The following RNF31 variants were observed in gnomAD, a reference collection of about 807,000 sequenced individuals.
RNF31 encodes E3 ubiquitin-protein ligase RNF31.
A neutral mutation model predicts 133.6 loss-of-function variants in RNF31; 38 were observed. The observed-to-expected ratio is 0.28, with a 90% CI of 0.22 to 0.37. The LOEUF (loss-of-function observed/expected upper bound fraction) is 0.37, where lower values mean the gene tolerates loss of function less well. Among genes scored for constraint, RNF31 ranks in the 10% least tolerant of loss-of-function variants. The pLI, the probability that RNF31 is intolerant of heterozygous loss-of-function variation, is 1.00. For missense variants in RNF31, 1,118 were observed against 1,394.1 expected, an observed-to-expected ratio of 0.80 and a Z score of 3.15; for synonymous variants, 582 against 552.3, an observed-to-expected ratio of 1.05 and a Z score of -0.75.
rs572045164 is a variant in RNF31 at position 24,154,711 on chromosome 14, A to G, written c.2131-446A>G. 1.2e-3 allele frequency among the ~76,000 whole-genome samples: 187 copies of G among 152,242 alleles called. 1 individual carries two copies. Among genetic ancestry groups the G allele is most frequent in the African/African-American group, 4.4e-3 (181 of 41,518 alleles). On this transcript the variant is annotated intron_variant, in intron 11 of 20. Coordinates refer to ENST00000324103, the MANE Select transcript of RNF31 (RefSeq NM_017999.5). ...TGCCGCTGTGTGTATGTGTGGTTCT[A>G]TGCAGTTCTGTCCCACGTATGGATG...
Position 24,151,675 on chromosome 14 carries a change from T to A in RNF31, c.1923+5T>A. ...TGGGATGGGCCAGACAAGCAGGTGCTGGGAGGAGGCAAGAAGCCCAAGGGT... is the reference window on the plus strand; with the variant it reads ...TGGGATGGGCCAGACAAGCAGGTGCAGGGAGGAGGCAAGAAGCCCAAGGGT... On this transcript the variant is annotated splice_donor_5th_base_variant and intron_variant, in intron 10 of 20. Coordinates refer to ENST00000324103, the MANE Select transcript of RNF31 (RefSeq NM_017999.5). This position sits in a 1 kb window ranked among gnomAD's most constrained non-coding sequence, Gnocchi z 5.3. The A allele has an allele frequency of 6.2e-7, 1 of 1,609,838 alleles. No homozygotes were observed. The highest frequency in any genetic ancestry group is 8.5e-7 in the Non-Finnish European group (1 of 1,179,764).
In RNF31 at chr14:24,149,590, G is replaced by C; in HGVS notation, c.809+7G>C. ...GTACCCACCTGAGCCCCAGGTGAGA[G>C]GGCTTCTCTTCTGGGTGGGAGTGAA... On this transcript the variant is annotated splice_region_variant and intron_variant, in intron 6 of 20. Coordinates refer to ENST00000324103, the MANE Select transcript of RNF31 (RefSeq NM_017999.5). The C allele has an allele frequency of 6.2e-7, 1 of 1,609,940 alleles. No individual in the cohort carries two copies. The highest frequency in any genetic ancestry group is 8.5e-7 in the Non-Finnish European group (1 of 1,177,914).
chr14:24,147,639 G>C lies in RNF31; in HGVS notation c.-60G>C, dbSNP rs1456124310. Reference sequence around the variant, plus strand: ...AGACGGGAGGGGCGGCGCTCGGGCCGCGCGCTGCCCGCGCCGGGTCCTGGC... The same window carrying C: ...AGACGGGAGGGGCGGCGCTCGGGCCCCGCGCTGCCCGCGCCGGGTCCTGGC... On this transcript the variant is annotated 5_prime_UTR_variant, in exon 1 of 21. Transcript: ENST00000324103. The C allele has an allele frequency of 7.4e-7, 1 of 1,346,308 alleles. No individual in the cohort carries two copies. Among genetic ancestry groups the C allele is most frequent in the Non-Finnish European group, 9.5e-7 (1 of 1,051,532 alleles). The allele number at this position is 1,346,308 out of a possible 1,614,324, so 83.4% of individuals were successfully genotyped here.
Position 24,155,345 on chromosome 14 carries a change from C to G in RNF31, c.2304+15C>G, listed in dbSNP as rs773779429. 25 of 1,614,180 alleles carry G rather than the reference C, an allele frequency of 1.5e-5. No homozygotes were observed. The highest frequency in any genetic ancestry group is 2.1e-5 in the Non-Finnish European group (25 of 1,180,020). On this transcript the variant is annotated intron_variant, in intron 12 of 20. Coordinates refer to ENST00000324103, the MANE Select transcript of RNF31 (RefSeq NM_017999.5). The surrounding 1 kb of genome is among the most constrained non-coding windows in gnomAD (Gnocchi z 4.9). ...TTGACATCCAGGTACTGCAGCCCCTCTAGGACTCAGGTACCCTGAGCTTTG... is the reference window on the plus strand; with the variant it reads ...TTGACATCCAGGTACTGCAGCCCCTGTAGGACTCAGGTACCCTGAGCTTTG...
chr14:24,155,088 C>A lies in RNF31; in HGVS notation c.2131-69C>A. 6.7e-7 allele frequency: 1 copy of A among 1,492,474 alleles called. No individual in the cohort carries two copies. Among genetic ancestry groups the A allele is most frequent in the Non-Finnish European group, 9.2e-7 (1 of 1,083,090 alleles). The allele number at this position is 1,492,474 out of a possible 1,614,324, so 92.5% of individuals were successfully genotyped here. ...CCCTGATTTCTTAGTGGACACCTGG[C>A]CACTGCCTCTTCCCTAGCCTGGCAG... On this transcript the variant is annotated intron_variant, in intron 11 of 20. Coordinates refer to ENST00000324103, the MANE Select transcript of RNF31 (RefSeq NM_017999.5). The surrounding 1 kb of genome is among the most constrained non-coding windows in gnomAD (Gnocchi z 4.9).
chr14:24,149,455 G>A lies in RNF31; in HGVS notation c.681G>A (p.Leu227=). The A allele has an allele frequency of 6.2e-7, 1 of 1,614,150 alleles. No individual in the cohort carries two copies. Among genetic ancestry groups the A allele is most frequent in the Non-Finnish European group, 8.5e-7 (1 of 1,180,026 alleles). Residue 227 remains leucine, a synonymous_variant, in exon 6 of 21, where the codon CTG becomes CTA. Coordinates refer to ENST00000324103, the MANE Select transcript of RNF31 (RefSeq NM_017999.5). ...TCTGTGGTTCTGCCCCAGGCACACT[G>A]CACTGCCCATCCTGTAAACAGGCCC... ...CFLCGSAPGT[L]HCPSCKQALC...
At chr14:24,149,264 CTT>C (rs1594374750) in intron 5 of RNF31, 140 bp from the exon 6 acceptor site, 1 of 915,886 alleles carries the variant, frequency 1.1e-6, no homozygotes, top group East Asian at 2.7e-5. Context: ...CGCCCGGCCT[CTT>C]TGTTTTTTAA....
chr14:24,148,013 A>G lies in RNF31; in HGVS notation c.230A>G (p.Asn77Ser), dbSNP rs2038197652. 3 of 1,614,084 alleles carry G rather than the reference A, an allele frequency of 1.9e-6. No homozygotes were observed. The highest frequency in any genetic ancestry group is 1.7e-5 in the Admixed American group (1 of 60,008). ...CTCAACACCCTGTCCACGGCTCTGA[A>G]CATCCTGGAGAAATACGGCCGCAAC... ...NYLNTLSTAL[N>S]ILEKYGRNLL... is the part of the protein sequence containing the mutation. The change falls in exon 2 of 21, where the codon AAC becomes AGC. Residue 77 changes from asparagine to serine, a missense_variant. This residue lies in a region of RNF31 where 747 missense variants were observed against 827.9 expected (regional missense o/e 0.90). Transcript: ENST00000324103.
chr14:24,148,872 C>G lies in RNF31; in HGVS notation c.627C>G (p.Val209=). The change falls in exon 5 of 21, where the codon GTC becomes GTG. Residue 209 remains valine, a synonymous_variant. Transcript: ENST00000324103. ...CTGGCCCCCTCACCACACCCTCTGT[C>G]CCAGGTATTATTGGTCCTAAATTGG... ...IAPGPLTTPS[V]PGSTPGPCFL... is the part of the protein sequence containing the mutation. The G allele has an allele frequency of 6.2e-7, 1 of 1,613,688 alleles. No homozygotes were observed.
chr14:24,147,983 A>G lies in RNF31; in HGVS notation c.200A>G (p.Asn67Ser). Residue 67 changes from asparagine to serine, a missense_variant, in exon 2 of 21, where the codon AAC becomes AGC. Physicochemically the swap from Asn to Ser is conservative, Grantham distance 46. This residue lies in a region of RNF31 where 747 missense variants were observed against 827.9 expected (regional missense o/e 0.90). Transcript: ENST00000324103. ...VRCNAHGEPRNYLNTLSTALN... is the reference protein window; with the variant it reads ...VRCNAHGEPRSYLNTLSTALN... ...TGCTCTCCTTGCTCCCAGCCCCGAA[A>G]CTACCTCAACACCCTGTCCACGGCT... 1 of 1,613,806 alleles carries G rather than the reference A, an allele frequency of 6.2e-7. No homozygotes were observed. Among genetic ancestry groups the G allele is most frequent in the Non-Finnish European group, 8.5e-7 (1 of 1,180,028 alleles).
chr14:24,149,042 C>T, intron 5 of RNF31, 166 bp downstream of exon 5: 1 of 683,138 alleles, frequency 1.5e-6, no homozygotes, highest in Non-Finnish European at 2.6e-6. Flanking sequence ...CCGCTCACCG[C>T]AACCTCCACC....
chr14:24,149,720 A>G (rs914346636), intron 6 of RNF31, 137 bp downstream of exon 6: 4 of 903,494 alleles, frequency 4.4e-6, no homozygotes, highest in Admixed American at 2.8e-5. Context: ...GAAAGAGATA[A>G]TAGACATACA....
Position 24,155,638 on chromosome 14 carries a change from G to A in RNF31, c.2439G>A (p.Leu813=). The part of the protein sequence containing the change: ...SFGFIYEREQ[L]EATCPQCHQT... ...GCTTCATATATGAGCGTGAGCAGCTGGAGGCAACTTGTCCCCAGTGTCACC... is the reference window on the plus strand; with the variant it reads ...GCTTCATATATGAGCGTGAGCAGCTAGAGGCAACTTGTCCCCAGTGTCACC... The change falls in exon 14 of 21, where the codon CTG becomes CTA. Residue 813 remains leucine, a synonymous_variant. Coordinates refer to ENST00000324103, the MANE Select transcript of RNF31 (RefSeq NM_017999.5). This position sits in a 1 kb window ranked among gnomAD's most constrained non-coding sequence, Gnocchi z 4.9. The A allele has an allele frequency of 6.2e-7, 1 of 1,614,212 alleles. No individual in the cohort carries two copies. Among genetic ancestry groups the A allele is most frequent in the Non-Finnish European group, 8.5e-7 (1 of 1,180,044 alleles).
Position 24,150,227 on chromosome 14 carries a change from C to T in RNF31, c.976C>T (p.Pro326Ser). The part of the protein sequence containing the change: ...WAVLCVACDR[P>S]RGCKGLGLGT... ...AGTGCTCTGTGTGGCCTGTGATCGG[C>T]CCCGAGGCTGTAAGGGGTTGGGGTT... The change falls in exon 7 of 21, where the codon CCC becomes TCC. Residue 326 changes from proline (P) to serine (S), a missense_variant. Pro to Ser is a moderately conservative substitution (Grantham distance 74). Coordinates refer to ENST00000324103, the MANE Select transcript of RNF31 (RefSeq NM_017999.5). The T allele has an allele frequency of 6.2e-7, 1 of 1,614,194 alleles. No homozygotes were observed. The highest frequency in any genetic ancestry group is 8.5e-7 in the Non-Finnish European group (1 of 1,180,020).
chr14:24,149,201 G>A (rs1186019536), intron 5 of RNF31: 1 of 609,106 alleles, frequency 1.6e-6, no homozygotes, highest in Non-Finnish European at 2.9e-6. Context: ...GACCTCAAGT[G>A]ATCCACCCAC....
In RNF31 at chr14:24,155,276, C is replaced by T. The variant is rs780742637; in HGVS notation, c.2250C>T (p.Pro750=). The change falls in exon 12 of 21, where the codon CCC becomes CCT. Residue 750 remains proline (P), a synonymous_variant. Coordinates refer to ENST00000324103, the MANE Select transcript of RNF31 (RefSeq NM_017999.5). The surrounding 1 kb of genome is among the most constrained non-coding windows in gnomAD (Gnocchi z 4.9). ...TDMVCPACGR[P]DLTDDTQLLS... ...TGGTGTGCCCTGCCTGTGGCCGCCC[C>T]GACCTCACCGATGACACACAGTTGC... 2.4e-5 allele frequency: 38 copies of T among 1,614,052 alleles called. No homozygotes were observed. The highest frequency in any genetic ancestry group is 2.7e-5 in the African/African-American group (2 of 74,918).
At chr14:24,158,909 T>TAC (rs1263462724) in intron 18 of RNF31, among the ~76,000 whole-genome samples, 1 of 151,500 alleles carries the variant, frequency 6.6e-6, no homozygotes, top group Non-Finnish European at 1.5e-5. Context: ...GGCGGGCGCC[T>TAC]GTAGTCCCAG....
rs2038422563 is a variant in RNF31, at chr14:24,160,118, A to G, written c.2997-121A>G. 12 of 1,336,628 alleles carry G rather than the reference A, an allele frequency of 9.0e-6. No individual in the cohort carries two copies. The highest frequency in any genetic ancestry group is 1.2e-5 in the Non-Finnish European group (12 of 965,476). 82.8% of individuals were successfully genotyped at this position (1,336,628 alleles called of 1,614,324 possible). A position where few individuals can be genotyped will look rare whatever the true frequency, so the allele number is the denominator to read the frequency against. On this transcript the variant is annotated intron_variant, in intron 19 of 20. Coordinates refer to ENST00000324103, the MANE Select transcript of RNF31 (RefSeq NM_017999.5). This position sits in a 1 kb window ranked among gnomAD's most constrained non-coding sequence, Gnocchi z 4.0. ...AGGGCATGGGTAGATAGTAGCAGGCAGTGTGGGCACAGGTGGGTTGTTAAT... is the reference window on the plus strand; with the variant it reads ...AGGGCATGGGTAGATAGTAGCAGGCGGTGTGGGCACAGGTGGGTTGTTAAT...
Position 24,151,496 on chromosome 14 carries a change from CCA to C in RNF31, c.1750_1751del (p.Gln584ValfsTer7). On this transcript the variant is annotated frameshift_variant, in exon 10 of 21. Transcript: ENST00000324103. LOFTEE classifies it high-confidence loss of function. The surrounding 1 kb of genome is among the most constrained non-coding windows in gnomAD (Gnocchi z 5.3). Reference protein sequence around the residue: ...RTRRRKVQELQSLGFGPEEGS... With the variant: ...RTRRRKVQELXSLGFGPEEGS... ...CTCCCATCTTGCAGGTGCAGGAGCT[CCA>C]GTCTCTAGGCTTTGGGCCTGAGGAG... is the stretch of plus-strand genomic sequence containing the variant. The C allele has an allele frequency of 6.2e-7, 1 of 1,614,194 alleles. No individual in the cohort carries two copies.
Sources: gnomAD v4.1 joint callset for allele counts (sites outside exome capture counted in the v4.1 genomes callset) on GRCh38, gnomAD v4.1.1 for gene constraint, gnomAD v4.1.1 regional missense constraint, Gnocchi (gnomAD v3.1) non-coding constraint, MANE v1.5 for transcripts, NCBI Gene and HGNC (gene_info 2026-07-23, HGNC 2026-07-21) for gene names.